Variants in RBM20 observed in about 807,000 individuals in gnomAD.
RBM20 encodes the protein RNA-binding protein 20.
RBM20 carries 51 observed loss-of-function variants against 110.1 expected under a neutral mutation model. That is an observed-to-expected ratio of 0.46 (90% CI 0.37 to 0.59). The LOEUF is 0.59. RBM20 is among the 20% of genes least tolerant of loss of function. RBM20 has a pLI of 0.00. For missense variants in RBM20, 1,512 were observed against 1,574.9 expected (o/e 0.96, Z 0.68); for synonymous variants, 589 against 618.2 (o/e 0.95, Z 0.70).
At chr10:110,664,870 GTCTCTC>G (rs377098638) in intron 1 of RBM20, among the ~76,000 whole-genome samples, 1 of 150,844 alleles carries the variant, frequency 6.6e-6, no homozygotes, top group Non-Finnish European at 1.5e-5. Context: ...TCCTTCTTCA[GTCTCTC>G]TCTCTCTCTC....
intron 1 of RBM20, among the ~76,000 whole-genome samples, chr10:110,754,058 T>A (rs1045485417): frequency 6.6e-6 from 1 of 152,216 alleles, no homozygotes; most frequent in Non-Finnish European, 1.5e-5. Flanking sequence ...CCATATGAGG[T>A]AACACTCACA....
intron 13 of RBM20, among the ~76,000 whole-genome samples, chr10:110,833,611 G>T (rs1845086021): frequency 6.6e-6 from 1 of 152,206 alleles, no homozygotes; most frequent in African/African-American, 2.4e-5. Context: ...GTTAGGAAGA[G>T]TTCAGACTTG....
At chr10:110,727,986 C>CT (rs1369250537) in intron 1 of RBM20, among the ~76,000 whole-genome samples, 3 of 152,128 alleles carry the variant, frequency 2.0e-5, no homozygotes, top group Non-Finnish European at 2.9e-5. Context: ...TGAACTCATT[C>CT]TTTTTTATGG....
intron 5 of RBM20, among the ~76,000 whole-genome samples, chr10:110,787,029 C>T (rs764987115): frequency 2.6e-5 from 4 of 152,240 alleles, no homozygotes; most frequent in Non-Finnish European, 4.4e-5. Flanking sequence ...AGACCCTTTC[C>T]TATGGACTTG....
intron 7 of RBM20, among the ~76,000 whole-genome samples, chr10:110,801,110 A>T (rs1409985250): frequency 6.6e-6 from 1 of 152,200 alleles, no homozygotes; most frequent in Non-Finnish European, 1.5e-5. Flanking sequence ...TAGTTGTCTC[A>T]AATTTATACT....
chr10:110,722,650 C>G (rs747644461), intron 1 of RBM20, among the ~76,000 whole-genome samples: 1 of 152,162 alleles, frequency 6.6e-6, no homozygotes, highest in Non-Finnish European at 1.5e-5. Context: ...TTCCACCACT[C>G]TCAAACTCAG....
chr10:110,660,781 C>A (rs11195259), intron 1 of RBM20, among the ~76,000 whole-genome samples: 28,184 of 151,648 alleles, frequency 0.19, 3,743 homozygotes, highest in African/African-American at 0.36. Context: ...TAATTATTTC[C>A]TTATATATTA....
chr10:110,721,745 C>T (rs1488176640), intron 1 of RBM20, among the ~76,000 whole-genome samples: 5 of 152,128 alleles, frequency 3.3e-5, no homozygotes, highest in Admixed American at 1.3e-4. Flanking sequence ...TCTCTCTGCA[C>T]CTTCTCATTT....
intron 1 of RBM20, among the ~76,000 whole-genome samples, chr10:110,725,643 C>T (rs1843552312): frequency 6.6e-6 from 1 of 152,160 alleles, no homozygotes; most frequent in Non-Finnish European, 1.5e-5. Flanking sequence ...TGCAGAGGTG[C>T]AGGCTTTAAA....
rs1284556159 is a variant in RBM20, at chr10:110,812,446, G to C, written c.2049G>C (p.Arg683Ser). 1.3e-6 allele frequency: 2 copies of C among 1,551,638 alleles called. No homozygotes were observed. Among genetic ancestry groups the C allele is most frequent in the Non-Finnish European group, 1.7e-6 (2 of 1,147,002 alleles). ...RDSWEHSPYA[R>S]REEERDPAPW... Reference sequence around the variant, plus strand: ...CCTGGGAGCACTCTCCCTATGCCAGGAGGGAGGAAGAGCGAGACCCGGCTC... The same window carrying C: ...CCTGGGAGCACTCTCCCTATGCCAGCAGGGAGGAAGAGCGAGACCCGGCTC... The change falls in exon 9 of 14, where the codon AGG becomes AGC. Residue 683 changes from arginine to serine, a missense_variant. Transcript: ENST00000369519.
rs781373863 is a variant in RBM20 at position 110,835,927 on chromosome 10, G to A, written c.3633G>A (p.Pro1211=). ...GLKETEGADS[P]RPEDSGIVPR... ...AGGAGACCGAGGGGGCAGATAGCCCGAGGCCAGAGGACAGCGGAATCGTGC... is the reference window on the plus strand; with the variant it reads ...AGGAGACCGAGGGGGCAGATAGCCCAAGGCCAGAGGACAGCGGAATCGTGC... Residue 1211 remains proline (P), a synonymous_variant, in exon 14 of 14, where the codon CCG becomes CCA. Coordinates refer to ENST00000369519, the MANE Select transcript of RBM20 (RefSeq NM_001134363.3). 8.8e-5 allele frequency: 131 copies of A among 1,486,074 alleles called. 2 individuals carry two copies. In the South Asian group the frequency reaches 1.1e-3, roughly 12 times the overall value. 92.1% of individuals were successfully genotyped at this position (1,486,074 alleles called of 1,614,324 possible).
chr10:110,781,118 C>G lies in RBM20; in HGVS notation c.509C>G (p.Ala170Gly), dbSNP rs1430386333. 4 of 1,551,834 alleles carry G rather than the reference C, an allele frequency of 2.6e-6. No homozygotes were observed. In the East Asian group the frequency reaches 7.3e-5, roughly 28 times the overall value. The change falls in exon 2 of 14, where the codon GCC becomes GGC. Residue 170 changes from alanine (A) to glycine (G), a missense_variant. Physicochemically the swap from Ala to Gly is moderately conservative, Grantham distance 60. This residue lies in a region of RBM20 where 1,149 missense variants were observed against 1,169.4 expected (regional missense o/e 0.98). Transcript: ENST00000369519. ...PSTRFPSNAI[A>G]FSPPSQTRGP... Reference sequence around the variant, plus strand: ...ACCCGGTTTCCCTCTAATGCAATTGCCTTTTCACCCCCCAGCCAGACACGA... The same window carrying G: ...ACCCGGTTTCCCTCTAATGCAATTGGCTTTTCACCCCCCAGCCAGACACGA...
At chr10:110,718,494 A>T (rs1018033075) in intron 1 of RBM20, among the ~76,000 whole-genome samples, 5 of 146,868 alleles carry the variant, frequency 3.4e-5, no homozygotes, top group Non-Finnish European at 6.0e-5. Context: ...ATGCATAGAT[A>T]GTTTGTTTTA....
chr10:110,678,182 G>C (rs1338000515), intron 1 of RBM20, among the ~76,000 whole-genome samples: 1 of 152,168 alleles, frequency 6.6e-6, no homozygotes, highest in Non-Finnish European at 1.5e-5. Flanking sequence ...TGGGGAAATA[G>C]AGCTATGGGA....
chr10:110,809,123 G>A lies in RBM20; in HGVS notation c.1801-1260G>A, dbSNP rs2135097363. Among the ~76,000 whole-genome samples the A allele has an allele frequency of 1.3e-5, 2 of 150,404 alleles. 1 individual carries two copies. The highest frequency in any genetic ancestry group is 4.2e-4 in the South Asian group (2 of 4,748). On this transcript the variant is annotated intron_variant, in intron 7 of 13. Coordinates refer to ENST00000369519, the MANE Select transcript of RBM20 (RefSeq NM_001134363.3). ...CCCAACTACTTTGGAGGCTGAAGTGGGAGAATCACTTGTGCCTGGGAGGTT... is the reference window on the plus strand; with the variant it reads ...CCCAACTACTTTGGAGGCTGAAGTGAGAGAATCACTTGTGCCTGGGAGGTT...
chr10:110,827,229 A>T (rs1844993197), intron 12 of RBM20, among the ~76,000 whole-genome samples: 1 of 152,046 alleles, frequency 6.6e-6, no homozygotes, highest in African/African-American at 2.4e-5. Flanking sequence ...AAATAAAATA[A>T]AACTAGCCAG....
intron 1 of RBM20, among the ~76,000 whole-genome samples, chr10:110,686,382 C>T (rs994962297): frequency 5.3e-5 from 8 of 152,080 alleles, no homozygotes; most frequent in Non-Finnish European, 1.0e-4. Flanking sequence ...CTCCTTCCCC[C>T]GATCCCACCC....
intron 1 of RBM20, among the ~76,000 whole-genome samples, chr10:110,673,214 T>G (rs4284340): frequency 6.6e-6 from 1 of 152,064 alleles, no homozygotes; most frequent in African/African-American, 2.4e-5. Context: ...TTTTTTCTTT[T>G]TTTTTCCTTT....
intron 1 of RBM20, among the ~76,000 whole-genome samples, chr10:110,727,437 A>T (rs1843576210): frequency 6.8e-6 from 1 of 147,596 alleles, no homozygotes; most frequent in Admixed American, 6.9e-5. Flanking sequence ...TAAAAAGTCC[A>T]TCCTGTTCTC....
Sources: gnomAD v4.1 joint callset for allele counts (sites outside exome capture counted in the v4.1 genomes callset) on GRCh38, gnomAD v4.1.1 for gene constraint, gnomAD v4.1.1 regional missense constraint, MANE v1.5 for transcripts, NCBI Gene and HGNC (gene_info 2026-07-23, HGNC 2026-07-21) for gene names.